LRRTM3: variants seen among roughly 807,000 people sequenced by gnomAD.
LRRTM3 encodes the protein leucine rich repeat transmembrane neuronal 3.
LRRTM3 carries 24 observed loss-of-function variants against 44.7 expected under a neutral mutation model. The ratio of observed to expected loss-of-function variants is 0.54; its 90% CI spans 0.39 to 0.76. The LOEUF (loss-of-function observed/expected upper bound fraction) is 0.76, where lower values mean the gene tolerates loss of function less well. LRRTM3 is among the 30% of genes least tolerant of loss of function. LRRTM3 has a pLI of 0.00. For synonymous variants in LRRTM3, 277 were observed against 278.7 expected (o/e 0.99, Z 0.06); for missense variants, 587 against 702.2 (o/e 0.84, Z 1.85).
intron 1 of LRRTM3, 37 bp downstream of exon 1, chr10:66,926,624 A>T (rs1847089687): frequency 6.2e-7 from 1 of 1,603,954 alleles, no homozygotes; most frequent in African/African-American, 1.3e-5. Flanking sequence ...CTTCTTAAAA[A>T]CAAAAAACAA....
chr10:67,002,161 TC>T (rs1749479651), intron 2 of LRRTM3, among the ~76,000 whole-genome samples: 1 of 152,174 alleles, frequency 6.6e-6, no homozygotes, highest in Non-Finnish European at 1.5e-5. Flanking sequence ...TTCACTAATT[TC>T]CCCTTTTTGA....
chr10:66,972,700 ATTTTTTTTTT>A (rs56664927), intron 2 of LRRTM3, among the ~76,000 whole-genome samples: 1 of 108,656 alleles, frequency 9.2e-6, no homozygotes. Context: ...TGTCAAATAG[ATTTTTTTTTT>A]TTTTTTTTTT....
intron 2 of LRRTM3, among the ~76,000 whole-genome samples, chr10:67,011,445 A>G (rs996194770): frequency 6.6e-6 from 1 of 151,724 alleles, no homozygotes; most frequent in African/African-American, 2.4e-5. Flanking sequence ...ACAGAAATTT[A>G]CCCATAGAGT....
intron 2 of LRRTM3, among the ~76,000 whole-genome samples, chr10:67,037,974 T>A (rs1854166053): frequency 6.6e-6 from 1 of 152,080 alleles, no homozygotes; most frequent in Admixed American, 6.6e-5. Context: ...ATTAAGGGGA[T>A]TAACATGAAT....
intron 2 of LRRTM3, among the ~76,000 whole-genome samples, chr10:67,067,365 C>A (rs1856159079): frequency 6.6e-6 from 1 of 151,992 alleles, no homozygotes; most frequent in African/African-American, 2.4e-5. Flanking sequence ...AGTTACTAAC[C>A]CTCCCCCACC....
At chr10:66,972,983 G>A (rs1173253338) in intron 2 of LRRTM3, among the ~76,000 whole-genome samples, 1 of 152,120 alleles carries the variant, frequency 6.6e-6, no homozygotes, top group East Asian at 1.9e-4. Context: ...TTTCAGAAAT[G>A]TCAGTATTAA....
At chr10:67,042,268 T>G (rs1854441661) in intron 2 of LRRTM3, among the ~76,000 whole-genome samples, 1 of 152,090 alleles carries the variant, frequency 6.6e-6, no homozygotes, top group Non-Finnish European at 1.5e-5. Flanking sequence ...GGCATCTCTG[T>G]GATAGAGAAT....
intron 2 of LRRTM3, among the ~76,000 whole-genome samples, chr10:66,965,052 C>T (rs1849323506): frequency 6.6e-6 from 1 of 152,118 alleles, no homozygotes; most frequent in Admixed American, 6.5e-5. Flanking sequence ...TATTTCCTTC[C>T]TAAAACTTCC....
chr10:66,935,153 T>C (rs1564778145), intron 2 of LRRTM3, among the ~76,000 whole-genome samples: 1 of 152,064 alleles, frequency 6.6e-6, no homozygotes, highest in Non-Finnish European at 1.5e-5. Context: ...CCTATAAGTT[T>C]CCCTCATTAA....
At chr10:67,064,330 T>A (rs547074207) in intron 2 of LRRTM3, among the ~76,000 whole-genome samples, 6 of 152,208 alleles carry the variant, frequency 3.9e-5, no homozygotes, top group African/African-American at 1.4e-4. Flanking sequence ...TTTTCTACAA[T>A]GATCCATCCC....
chr10:66,928,554 C>T, intron 2 of LRRTM3, 102 bp downstream of exon 2: 1 of 1,081,190 alleles, frequency 9.2e-7, no homozygotes, highest in South Asian at 1.7e-5. Context: ...CCCCCCTCCC[C>T]TTCCCTCTCC....
chr10:67,100,401 A>C lies in LRRTM3; in HGVS notation c.*2605A>C, dbSNP rs1858273603. 6.6e-6 allele frequency among the ~76,000 whole-genome samples: 1 copy of C among 151,710 alleles called. No homozygotes were observed. Among genetic ancestry groups the C allele is most frequent in the Non-Finnish European group, 1.5e-5 (1 of 67,774 alleles). On this transcript the variant is annotated 3_prime_UTR_variant, in exon 3 of 3. Coordinates refer to ENST00000361320, the MANE Select transcript of LRRTM3 (RefSeq NM_178011.5). Reference sequence around the variant, plus strand: ...ATGATGATTATTATTATTTTTGCTTAATTTTTATTTTGCCATGTCCAGGTT... The same window carrying C: ...ATGATGATTATTATTATTTTTGCTTCATTTTTATTTTGCCATGTCCAGGTT...
At chr10:67,069,291 T>G (rs73256464) in intron 2 of LRRTM3, among the ~76,000 whole-genome samples, 15,998 of 152,066 alleles carry the variant, frequency 0.11, 1,090 homozygotes, top group South Asian at 0.2. Flanking sequence ...GATAATCATC[T>G]AGTGCATTTC....
chr10:67,062,582 A>C (rs1855824366), intron 2 of LRRTM3, among the ~76,000 whole-genome samples: 1 of 152,140 alleles, frequency 6.6e-6, no homozygotes, highest in Non-Finnish European at 1.5e-5. Flanking sequence ...AGAACACAAA[A>C]TATAAAAATT....
chr10:66,978,960 C>CTTTTTTTTTTTTTTTTTTTTTTTTTTT (rs34112681), intron 2 of LRRTM3, among the ~76,000 whole-genome samples: 1 of 83,782 alleles, frequency 1.2e-5, no homozygotes, highest in Non-Finnish European at 2.2e-5. Context: ...TACTTATTTC[C>CTTTTTTTTTTTTTTTTTTTTTTTTTTT]TTTTTTTTTT....
chr10:67,052,424 G>T (rs1164938535), intron 2 of LRRTM3, among the ~76,000 whole-genome samples: 3 of 151,388 alleles, frequency 2.0e-5, no homozygotes, highest in Non-Finnish European at 4.4e-5. Flanking sequence ...CCCTTCTTAG[G>T]CCTAGAACGA....
At position 67,101,414 on chromosome 10, in the gene LRRTM3, A is replaced by T. The variant is rs1231946165; in HGVS notation, c.*3618A>T. On this transcript the variant is annotated 3_prime_UTR_variant, in exon 3 of 3. Coordinates refer to ENST00000361320, the MANE Select transcript of LRRTM3 (RefSeq NM_178011.5). ...GCAAGATTTCTTCTTAAACCATGAA[A>T]TTTTTTTTACTTGTAATAATAGAGA... 6.6e-6 allele frequency among the ~76,000 whole-genome samples: 1 copy of T among 150,460 alleles called. No individual in the cohort carries two copies. Among genetic ancestry groups the T allele is most frequent in the Non-Finnish European group, 1.5e-5 (1 of 67,572 alleles).
Position 66,951,319 on chromosome 10 carries a change from T to G in LRRTM3, c.1536+22867T>G, listed in dbSNP as rs10997450. Among the ~76,000 whole-genome samples, 3,824 of 152,214 alleles carry G rather than the reference T, an allele frequency of 0.025. 388 individuals are homozygous for G. In the East Asian group the frequency reaches 0.36, roughly 14 times the overall value. ...TTAGTAGAGATGGGGTTTCACCATG[T>G]TGGCCAGGCTGGTCTCAAACTCCTG... On this transcript the variant is annotated intron_variant, in intron 2 of 2. Coordinates refer to ENST00000361320, the MANE Select transcript of LRRTM3 (RefSeq NM_178011.5).
At chr10:67,037,336 T>A (rs577909059) in intron 2 of LRRTM3, among the ~76,000 whole-genome samples, 1 of 151,176 alleles carries the variant, frequency 6.6e-6, no homozygotes, top group Middle Eastern at 3.4e-3. Flanking sequence ...GCAGTTACTA[T>A]GTGGCAACAC....
Sources: allele counts gnomAD v4.1 joint callset (sites outside exome capture counted in the v4.1 genomes callset), GRCh38; gene constraint gnomAD v4.1.1; transcripts MANE v1.5; gene names NCBI Gene and HGNC (gene_info 2026-07-23, HGNC 2026-07-21).